ABCB5: variants seen among roughly 807,000 people sequenced by gnomAD.
The protein encoded by ABCB5 is ATP binding cassette subfamily B member 5.
A neutral mutation model predicts 144.2 loss-of-function variants in ABCB5; 155 were observed. The ratio of observed to expected loss-of-function variants is 1.08; its 90% CI spans 0.94 to 1.23. The LOEUF (loss-of-function observed/expected upper bound fraction) is 1.23, where lower values mean the gene tolerates loss of function less well. ABCB5 is among the 50% of genes most tolerant of loss of function. The pLI, the probability that ABCB5 is intolerant of heterozygous loss-of-function variation, is 0.00. For missense variants in ABCB5, 1,830 were observed against 1,520.8 expected, an observed-to-expected ratio of 1.20 and a Z score of -3.38; for synonymous variants, 610 against 528.6, an observed-to-expected ratio of 1.15 and a Z score of -2.11.
intron 9 of ABCB5, among the ~76,000 whole-genome samples, chr7:20,646,741 C>A (rs538682736): frequency 4.7e-4 from 72 of 152,250 alleles, no homozygotes; most frequent in African/African-American, 1.5e-3. Context: ...CTTGAGGAAC[C>A]AAAATGATCT....
chr7:20,692,612 T>A (rs562216579), intron 16 of ABCB5, among the ~76,000 whole-genome samples: 1 of 151,994 alleles, frequency 6.6e-6, no homozygotes, highest in African/African-American at 2.4e-5. Context: ...TATATTTACA[T>A]TTTTGATATG....
At position 20,707,862 on chromosome 7, in the gene ABCB5, G is replaced by A. The variant is rs538898794; in HGVS notation, c.2421+3055G>A. On this transcript the variant is annotated intron_variant, in intron 20 of 27. Transcript: ENST00000404938. ...GCTCTCGCCCAGGCTGGAATGCAGTGGCGCGATCTCGGCTCACTGCAAGCT... is the reference window on the plus strand; with the variant it reads ...GCTCTCGCCCAGGCTGGAATGCAGTAGCGCGATCTCGGCTCACTGCAAGCT... Among the ~76,000 whole-genome samples, 6 of 135,882 alleles carry A rather than the reference G, an allele frequency of 4.4e-5. No homozygotes were observed. In the South Asian group the frequency reaches 1.2e-3, roughly 26 times the overall value. The allele number at this position is 135,882 out of a possible 152,430, so 89.1% of individuals were successfully genotyped here.
chr7:20,742,694 AAT>A (rs1782598855), intron 24 of ABCB5, among the ~76,000 whole-genome samples, 181 bp from the exon 25 acceptor site: 1 of 152,208 alleles, frequency 6.6e-6, no homozygotes, highest in Admixed American at 6.5e-5. Flanking sequence ...GACACAAAAA[AAT>A]ATAAACAAAA....
intron 26 of ABCB5, among the ~76,000 whole-genome samples, chr7:20,746,255 G>A (rs1782718651): frequency 1.3e-5 from 2 of 152,074 alleles, no homozygotes; most frequent in South Asian, 4.1e-4. Flanking sequence ...GTGCCATCAC[G>A]CCCGGCTAAT....
At chr7:20,619,915 A>G (rs2390346) in intron 1 of ABCB5, among the ~76,000 whole-genome samples, 15,315 of 152,074 alleles carry the variant, frequency 0.1, 805 homozygotes, top group East Asian at 0.15. Context: ...GTATCCCAGC[A>G]CCATTTTTTG....
At chr7:20,619,150 G>C (rs1783755035) in intron 1 of ABCB5, among the ~76,000 whole-genome samples, 1 of 152,030 alleles carries the variant, frequency 6.6e-6, no homozygotes, top group African/African-American at 2.4e-5. Flanking sequence ...ATTGTGAATA[G>C]TGCTGTCATA....
At chr7:20,669,452 A>C (rs1344906978) in intron 14 of ABCB5, among the ~76,000 whole-genome samples, 11 of 137,064 alleles carry the variant, frequency 8.0e-5, no homozygotes, top group Admixed American at 1.5e-4. Context: ...TCTCTGAAAC[A>C]TGTGCTGTGT....
chr7:20,724,498 G>A (rs1283628935), intron 21 of ABCB5, among the ~76,000 whole-genome samples: 1 of 151,864 alleles, frequency 6.6e-6, no homozygotes, highest in African/African-American at 2.4e-5. Context: ...GTATGGTGGT[G>A]CGTGCCTGTA....
rs954244168 is a variant in ABCB5, at chr7:20,756,937, C to A, written c.*1313C>A. 6.6e-6 allele frequency: 1 copy of A among 152,246 alleles called. No individual in the cohort carries two copies. Among genetic ancestry groups the A allele is most frequent in the African/African-American group, 2.4e-5 (1 of 41,404 alleles). The allele number at this position is 152,246 out of a possible 1,614,324, so 9.4% of individuals were successfully genotyped here. The stretch of plus-strand genomic sequence containing the variant: ...TACCAATAATTGAAATCTTGTTAAA[C>A]AAAATTAAAACCATTTATATATTAT... On this transcript the variant is annotated 3_prime_UTR_variant, in exon 28 of 28. Transcript: ENST00000404938.
At chr7:20,622,920 C>T (rs1458341365) in intron 1 of ABCB5, among the ~76,000 whole-genome samples, 1 of 152,064 alleles carries the variant, frequency 6.6e-6, no homozygotes, top group Non-Finnish European at 1.5e-5. Context: ...AAATTTTCAC[C>T]AATTCCAGTC....
At chr7:20,731,369 A>AAAAAAAAAAAATCTATAT (rs57305244) in intron 23 of ABCB5, among the ~76,000 whole-genome samples, 1 of 123,104 alleles carries the variant, frequency 8.1e-6, no homozygotes, top group African/African-American at 3.3e-5. Context: ...AAAAAAAAAA[A>AAAAAAAAAAAATCTATAT]ATATATATAT....
intron 16 of ABCB5, among the ~76,000 whole-genome samples, chr7:20,691,926 A>C (rs1486244092): frequency 1.3e-5 from 2 of 152,156 alleles, no homozygotes; most frequent in African/African-American, 4.8e-5. Context: ...GGAGAAAAAA[A>C]ATGTACCCAA....
intron 13 of ABCB5, among the ~76,000 whole-genome samples, chr7:20,651,976 T>C (rs576061268): frequency 6.6e-6 from 1 of 152,218 alleles, no homozygotes; most frequent in African/African-American, 2.4e-5. Context: ...TAGAGAAGAA[T>C]GCATAGTAAC....
chr7:20,649,877 C>G, intron 11 of ABCB5, 145 bp from the exon 12 acceptor site: 7 of 806,546 alleles, frequency 8.7e-6, no homozygotes, highest in African/African-American at 1.7e-5. Flanking sequence ...TATTACTACA[C>G]ATGTACATGA....
intron 16 of ABCB5, among the ~76,000 whole-genome samples, chr7:20,696,072 C>G (rs1266557604): frequency 1.3e-5 from 2 of 151,960 alleles, no homozygotes; most frequent in African/African-American, 4.8e-5. Context: ...GATATTTGCT[C>G]AAGAGAAATG....
chr7:20,753,565 G>C, intron 27 of ABCB5, 59 bp downstream of exon 27: 1 of 1,538,910 alleles, frequency 6.5e-7, no homozygotes, highest in Non-Finnish European at 8.8e-7. Flanking sequence ...CCAATAACAT[G>C]GAGGAAACCA....
At chr7:20,674,479 C>T (rs1203872493) in intron 14 of ABCB5, among the ~76,000 whole-genome samples, 1 of 151,710 alleles carries the variant, frequency 6.6e-6, no homozygotes, top group Non-Finnish European at 1.5e-5. Flanking sequence ...AGAAATCTGT[C>T]ATCTTTATGT....
At chr7:20,621,208 C>G (rs140840020) in intron 1 of ABCB5, among the ~76,000 whole-genome samples, 142 of 152,002 alleles carry the variant, frequency 9.3e-4, no homozygotes, top group Middle Eastern at 3.4e-3. Context: ...CCCAGTAAAA[C>G]AGAGGTTACC....
intron 23 of ABCB5, among the ~76,000 whole-genome samples, chr7:20,730,215 AT>A (rs1194919811): frequency 5.3e-5 from 8 of 152,242 alleles, no homozygotes; most frequent in Non-Finnish European, 1.0e-4. Flanking sequence ...TGTATTTAAA[AT>A]TTCAACAGAA....
Sources: allele counts gnomAD v4.1 joint callset (sites outside exome capture counted in the v4.1 genomes callset), GRCh38; gene constraint gnomAD v4.1.1; transcripts MANE v1.5; gene names NCBI Gene and HGNC (gene_info 2026-07-23, HGNC 2026-07-21).